Variants in LRRC7 observed in about 807,000 individuals in gnomAD.
LRRC7 encodes leucine-rich repeat-containing protein 7.
Under a neutral mutation model 175.7 loss-of-function variants are expected in LRRC7, and 23 were observed. The observed-to-expected ratio is 0.13, with a 90% CI of 0.09 to 0.19. The LOEUF (loss-of-function observed/expected upper bound fraction) is 0.19. LRRC7 is among the 10% of genes least tolerant of loss of function. The probability of loss-of-function intolerance (pLI) is 1.00; values close to 1 mark genes in which losing one functional copy is unlikely to be tolerated. For missense variants in LRRC7, 1,354 were observed against 1,904.7 expected (o/e 0.71, Z 5.38); for synonymous variants, 685 against 680.9 (o/e 1.01, Z -0.09).
intron 2 of LRRC7, among the ~76,000 whole-genome samples, chr1:69,717,250 A>G (rs546352326): frequency 8.6e-4 from 130 of 151,862 alleles, no homozygotes; most frequent in Non-Finnish European, 1.5e-3. Flanking sequence ...AGTAGTAGAT[A>G]TTTCTATAAC....
intron 2 of LRRC7, among the ~76,000 whole-genome samples, chr1:69,723,831 G>C (rs1002418010): frequency 2.6e-5 from 4 of 152,184 alleles, no homozygotes; most frequent in African/African-American, 7.2e-5. Context: ...AGGAGCAAGA[G>C]AGTCTCTGGG....
At chr1:69,764,686 C>T (rs1014760932) in intron 3 of LRRC7, among the ~76,000 whole-genome samples, 2 of 150,944 alleles carry the variant, frequency 1.3e-5, no homozygotes, top group Non-Finnish European at 3.0e-5. Context: ...AACACTGTCT[C>T]CTGTGGGTGG....
At chr1:69,725,278 G>T (rs966571421) in intron 2 of LRRC7, among the ~76,000 whole-genome samples, 3 of 152,060 alleles carry the variant, frequency 2.0e-5, no homozygotes, top group Admixed American at 1.3e-4. Flanking sequence ...AGAAGAGGTT[G>T]CTCTTTCCAT....
intron 2 of LRRC7, among the ~76,000 whole-genome samples, chr1:69,757,387 G>A (rs1670550443): frequency 6.6e-6 from 1 of 151,906 alleles, no homozygotes; most frequent in South Asian, 2.1e-4. Context: ...GGTCTATGAG[G>A]ATGGGAGTGA....
chr1:70,069,038 T>G lies in LRRC7; in HGVS notation c.4231-7039T>G, dbSNP rs144609722. 2.0e-3 allele frequency among the ~76,000 whole-genome samples: 311 copies of G among 152,308 alleles called. 2 individuals carry two copies. Among genetic ancestry groups the G allele is most frequent in the African/African-American group, 6.9e-3 (289 of 41,584 alleles). Reference sequence around the variant, plus strand: ...ATTACAGGTTTTATTTCTTGATAGTTGTAGGGCTGTTCAAGTTATCTATAT... The same window carrying G: ...ATTACAGGTTTTATTTCTTGATAGTGGTAGGGCTGTTCAAGTTATCTATAT... On this transcript the variant is annotated intron_variant, in intron 23 of 26. Transcript: ENST00000651989.
At chr1:70,053,292 G>GTAAGTACAT (rs1447766755) in intron 23 of LRRC7, 147 bp downstream of exon 23, 1 of 675,728 alleles carries the variant, frequency 1.5e-6, no homozygotes, top group Non-Finnish European at 2.2e-6. Flanking sequence ...TTGGTTGACT[G>GTAAGTACAT]TAAGTACATT....
chr1:69,939,503 A>G (rs552531831), intron 8 of LRRC7, among the ~76,000 whole-genome samples: 1 of 152,246 alleles, frequency 6.6e-6, no homozygotes, highest in South Asian at 2.1e-4. Flanking sequence ...GCCCCTCCCC[A>G]GGACACTCAA....
At chr1:69,793,905 A>G (rs959064552) in intron 4 of LRRC7, among the ~76,000 whole-genome samples, 2 of 152,192 alleles carry the variant, frequency 1.3e-5, no homozygotes, top group Non-Finnish European at 1.5e-5. Flanking sequence ...GATTTTCTTA[A>G]TTCAAGTCTT....
intron 2 of LRRC7, among the ~76,000 whole-genome samples, chr1:69,680,930 T>C (rs938262908): frequency 6.6e-6 from 1 of 152,056 alleles, no homozygotes; most frequent in Non-Finnish European, 1.5e-5. Context: ...TGTAGCGAGT[T>C]TTCTTTTCTC....
intron 1 of LRRC7, among the ~76,000 whole-genome samples, chr1:69,634,648 T>A (rs924398289): frequency 5.3e-5 from 8 of 152,144 alleles, no homozygotes; most frequent in Admixed American, 1.3e-4. Flanking sequence ...TTCCTTTATG[T>A]CTATGAAATC....
intron 2 of LRRC7, among the ~76,000 whole-genome samples, chr1:69,735,604 C>T (rs1001469593): frequency 6.6e-6 from 1 of 152,018 alleles, no homozygotes; most frequent in Non-Finnish European, 1.5e-5. Context: ...TAGTAAATAA[C>T]GTGTGGGGTT....
intron 1 of LRRC7, among the ~76,000 whole-genome samples, chr1:69,623,002 G>T (rs1650880362): frequency 6.6e-6 from 1 of 152,152 alleles, no homozygotes; most frequent in African/African-American, 2.4e-5. Flanking sequence ...GAACCAAGTT[G>T]TCTACTGCTG....
At chr1:70,094,390 G>A (rs1664243783) in intron 25 of LRRC7, among the ~76,000 whole-genome samples, 1 of 151,986 alleles carries the variant, frequency 6.6e-6, no homozygotes, top group Admixed American at 6.6e-5. Context: ...ACAAATTCAT[G>A]GTTTTTTTAA....
rs570758528 is a variant in LRRC7, at chr1:70,134,716, G to T, written c.*12829G>T. Among the ~76,000 whole-genome samples the T allele has an allele frequency of 6.6e-6, 1 of 152,278 alleles. No individual in the cohort carries two copies. Among genetic ancestry groups the T allele is most frequent in the Admixed American group, 6.5e-5 (1 of 15,306 alleles). Reference sequence around the variant, plus strand: ...AAATTCAATTTAACCTTCTTTGGGGGTTAATATTTTGTAAGTTCTTTCTGA... The same window carrying T: ...AAATTCAATTTAACCTTCTTTGGGGTTTAATATTTTGTAAGTTCTTTCTGA... On this transcript the variant is annotated 3_prime_UTR_variant, in exon 27 of 27. Coordinates refer to ENST00000651989, the MANE Select transcript of LRRC7 (RefSeq NM_001370785.2).
At chr1:69,692,584 G>A (rs1172136085) in intron 2 of LRRC7, among the ~76,000 whole-genome samples, 3 of 152,054 alleles carry the variant, frequency 2.0e-5, no homozygotes, top group African/African-American at 7.2e-5. Context: ...TCTAAACCAA[G>A]GCCTTGACCC....
chr1:69,848,164 A>G lies in LRRC7; in HGVS notation c.647+9881A>G, dbSNP rs551007956. On this transcript the variant is annotated intron_variant, in intron 7 of 26. Coordinates refer to ENST00000651989, the MANE Select transcript of LRRC7 (RefSeq NM_001370785.2). Reference sequence around the variant, plus strand: ...ATTCTTCTTGAGTTTTTGCAAGGCAAAGTTTCCATGGGAATTTGGATCTAA... The same window carrying G: ...ATTCTTCTTGAGTTTTTGCAAGGCAGAGTTTCCATGGGAATTTGGATCTAA... Among the ~76,000 whole-genome samples, 75 of 152,206 alleles carry G rather than the reference A, an allele frequency of 4.9e-4. 2 individuals are homozygous for G. The highest frequency in any genetic ancestry group is 1.7e-3 in the African/African-American group (69 of 41,566).
chr1:69,807,489 C>T (rs1677267570), intron 4 of LRRC7, among the ~76,000 whole-genome samples: 1 of 152,018 alleles, frequency 6.6e-6, no homozygotes, highest in African/African-American at 2.4e-5. Flanking sequence ...TAAGGCAGGC[C>T]TGGTGGTGAC....
chr1:69,862,689 T>A (rs1684481893), intron 7 of LRRC7, among the ~76,000 whole-genome samples: 5 of 152,070 alleles, frequency 3.3e-5, no homozygotes, highest in Admixed American at 3.3e-4. Context: ...TTTTTTAGAG[T>A]CATTGTTCAT....
intron 7 of LRRC7, among the ~76,000 whole-genome samples, chr1:69,862,757 A>G (rs1684492225): frequency 6.6e-6 from 1 of 152,062 alleles, no homozygotes; most frequent in South Asian, 2.1e-4. Context: ...CAGTTTTGTT[A>G]CATAGTTATA....
Sources: gnomAD v4.1 joint callset for allele counts (sites outside exome capture counted in the v4.1 genomes callset) on GRCh38, gnomAD v4.1.1 for gene constraint, MANE v1.5 for transcripts, NCBI Gene and HGNC (gene_info 2026-07-23, HGNC 2026-07-21) for gene names.